CSMD1: variants seen among roughly 807,000 people sequenced by gnomAD.
The protein encoded by CSMD1 is CUB and Sushi multiple domains 1.
Under a neutral mutation model 417.5 loss-of-function variants are expected in CSMD1, and 213 were observed. The ratio of observed to expected loss-of-function variants is 0.51; its 90% CI spans 0.46 to 0.57. CSMD1 has a LOEUF of 0.57. CSMD1 is among the 20% of genes least tolerant of loss of function. CSMD1 has a pLI of 0.00. For missense variants in CSMD1, 6,923 were observed against 4,529.7 expected, an observed-to-expected ratio of 1.53 and a Z score of -15.17; for synonymous variants, 2,862 against 1,736.8, an observed-to-expected ratio of 1.65 and a Z score of -16.11.
chr8:4,458,613 C>T (rs1252540204), intron 2 of CSMD1, among the ~76,000 whole-genome samples: 9 of 152,086 alleles, frequency 5.9e-5, no homozygotes, highest in Non-Finnish European at 1.2e-4. Flanking sequence ...AATCATCACC[C>T]ACACCTCAGC....
chr8:4,142,881 A>G (rs1400771512), intron 3 of CSMD1, among the ~76,000 whole-genome samples: 3 of 151,312 alleles, frequency 2.0e-5, no homozygotes, highest in African/African-American at 4.9e-5. Context: ...TAATATGATT[A>G]GTAGCTGACA....
chr8:4,169,820 C>G (rs542605269), intron 3 of CSMD1, among the ~76,000 whole-genome samples: 1 of 152,096 alleles, frequency 6.6e-6, no homozygotes, highest in Non-Finnish European at 1.5e-5. Context: ...CACTTTCTGT[C>G]TGCCCTTCCT....
chr8:4,147,817 G>A (rs1201724094), intron 3 of CSMD1, among the ~76,000 whole-genome samples: 1 of 152,100 alleles, frequency 6.6e-6, no homozygotes, highest in Admixed American at 6.5e-5. Context: ...AGCCGGGCAG[G>A]AAGACACATC....
At chr8:4,015,973 G>C (rs1796504188) in intron 4 of CSMD1, among the ~76,000 whole-genome samples, 1 of 152,196 alleles carries the variant, frequency 6.6e-6, no homozygotes, top group South Asian at 2.1e-4. Context: ...GGAGGGAAAT[G>C]TAGAAAAGCA....
intron 1 of CSMD1, among the ~76,000 whole-genome samples, chr8:4,867,504 C>T (rs1473552717): frequency 1.3e-5 from 2 of 152,094 alleles, no homozygotes; most frequent in Non-Finnish European, 2.9e-5. Flanking sequence ...CTATCCCAGC[C>T]AACCTCGGAT....
intron 4 of CSMD1, among the ~76,000 whole-genome samples, chr8:4,003,518 T>C (rs1815868436): frequency 6.6e-6 from 1 of 152,160 alleles, no homozygotes; most frequent in Non-Finnish European, 1.5e-5. Context: ...GAGTGAATTC[T>C]AGAACAAACC....
chr8:3,101,426 G>A (rs1379942018), intron 46 of CSMD1, among the ~76,000 whole-genome samples: 1 of 152,126 alleles, frequency 6.6e-6, no homozygotes, highest in Non-Finnish European at 1.5e-5. Context: ...ATATAAGGCT[G>A]ACTACTTTTT....
chr8:4,219,426 G>A (rs1237016034), intron 3 of CSMD1, among the ~76,000 whole-genome samples: 1 of 152,082 alleles, frequency 6.6e-6, no homozygotes, highest in Non-Finnish European at 1.5e-5. Context: ...CATGGTAATT[G>A]GGCTCTGATC....
chr8:3,589,543 G>A (rs1189624950), intron 8 of CSMD1, among the ~76,000 whole-genome samples: 1 of 152,098 alleles, frequency 6.6e-6, no homozygotes, highest in African/African-American at 2.4e-5. Flanking sequence ...GACAAGTACT[G>A]CATGATCTCA....
At chr8:3,758,111 C>T (rs1286604720) in intron 5 of CSMD1, among the ~76,000 whole-genome samples, 1 of 151,942 alleles carries the variant, frequency 6.6e-6, no homozygotes, top group African/African-American at 2.4e-5. Context: ...TTACAGGCAC[C>T]GGCCACCACA....
chr8:4,383,323 C>T (rs1477168518), intron 3 of CSMD1, among the ~76,000 whole-genome samples: 1 of 152,088 alleles, frequency 6.6e-6, no homozygotes. Context: ...GGGGGGATCT[C>T]TGAGTCAAAG....
In CSMD1 at chr8:2,966,734, C is replaced by A. The variant is rs151238691; in HGVS notation, c.8936G>T (p.Gly2979Val). 6.2e-7 allele frequency: 1 copy of A among 1,613,390 alleles called. No individual in the cohort carries two copies. Among genetic ancestry groups the A allele is most frequent in the South Asian group, 1.1e-5 (1 of 90,924 alleles). ...TCCGTTGGTGGGTGTGCCAGGGTTG[C>A]CACAGGACACGGCTGTTAGGCAAAC... ...LQPVCEAVSC[G>V]NPGTPTNGMI... is the part of the protein sequence containing the mutation. Residue 2979 changes from glycine (G) to valine (V), a missense_variant, in exon 58 of 70, where the codon GGC becomes GTC. Transcript: ENST00000635120.
intron 1 of CSMD1, among the ~76,000 whole-genome samples, chr8:4,962,080 T>C (rs1022527193): frequency 2.7e-5 from 4 of 149,444 alleles, no homozygotes; most frequent in Non-Finnish European, 5.9e-5. Context: ...TTCTTTAAGT[T>C]TTTGTCATGC....
chr8:4,172,792 T>C (rs928949499), intron 3 of CSMD1, among the ~76,000 whole-genome samples: 4 of 152,092 alleles, frequency 2.6e-5, no homozygotes, highest in African/African-American at 7.2e-5. Context: ...GAGAAGCCTA[T>C]CCCATGTCTT....
At chr8:4,454,306 T>C (rs1006982822) in intron 2 of CSMD1, among the ~76,000 whole-genome samples, 1 of 152,280 alleles carries the variant, frequency 6.6e-6, no homozygotes, top group African/African-American at 2.4e-5. Context: ...AGACGCAGCC[T>C]CTTCTTCCGC....
At chr8:4,252,383 TG>T (rs1173565672) in intron 3 of CSMD1, among the ~76,000 whole-genome samples, 4 of 152,218 alleles carry the variant, frequency 2.6e-5, no homozygotes, top group Admixed American at 2.6e-4. Context: ...AGTTATGTAT[TG>T]TCTTTTTCCA....
At chr8:3,498,050 T>C (rs1055008786) in intron 10 of CSMD1, among the ~76,000 whole-genome samples, 16 of 152,236 alleles carry the variant, frequency 1.1e-4, no homozygotes, top group Admixed American at 9.2e-4. Flanking sequence ...AACTCTAATG[T>C]ATAGCTTTGC....
intron 5 of CSMD1, among the ~76,000 whole-genome samples, chr8:3,794,106 A>T (rs1459037352): frequency 1.3e-5 from 2 of 152,170 alleles, no homozygotes; most frequent in African/African-American, 2.4e-5. Context: ...GCAGGGTCGC[A>T]GGCACACACC....
chr8:2,981,363 T>C (rs1261756057), intron 54 of CSMD1, among the ~76,000 whole-genome samples: 2 of 152,204 alleles, frequency 1.3e-5, no homozygotes, highest in East Asian at 1.9e-4. Flanking sequence ...GTTTGTAAAC[T>C]AGAAGGAGAA....
Sources: allele counts gnomAD v4.1 joint callset (sites outside exome capture counted in the v4.1 genomes callset), GRCh38; gene constraint gnomAD v4.1.1; transcripts MANE v1.5; gene names NCBI Gene and HGNC (gene_info 2026-07-23, HGNC 2026-07-21).